The following HLTF variants were observed in gnomAD, a reference collection of about 807,000 sequenced individuals.
HLTF encodes the protein DNA-dependent ATPase/E3 ubiquitin-protein ligase HLTF.
HLTF carries 127 observed loss-of-function variants against 129.4 expected under a neutral mutation model. The ratio of observed to expected loss-of-function variants is 0.98; its 90% CI spans 0.85 to 1.14. The LOEUF (loss-of-function observed/expected upper bound fraction) is 1.14. Ranked by LOEUF, HLTF falls within the 50% of genes most tolerant of loss-of-function variation. HLTF has a pLI of 0.00. For missense variants in HLTF, 1,139 were observed against 1,187.1 expected (o/e 0.96, Z 0.60); for synonymous variants, 332 against 388.8 (o/e 0.85, Z 1.72).
intron 7 of HLTF, among the ~76,000 whole-genome samples, chr3:149,070,253 G>GT (rs1446224089): frequency 2.0e-5 from 3 of 152,046 alleles, no homozygotes; most frequent in African/African-American, 4.8e-5. Context: ...ACATACCGTC[G>GT]TAAGGACAAA....
chr3:149,050,120 T>C, intron 15 of HLTF, 112 bp downstream of exon 15: 1 of 538,948 alleles, frequency 1.9e-6, no homozygotes, highest in Non-Finnish European at 3.1e-6. Flanking sequence ...TCGTTAAGTA[T>C]CTAAAGAGAA....
chr3:149,077,247 AAAAT>A (rs201554369), intron 2 of HLTF, among the ~76,000 whole-genome samples: 17,079 of 143,882 alleles, frequency 0.12, 1,906 homozygotes, highest in African/African-American at 0.3. Flanking sequence ...ACTTCATCTC[AAAAT>A]AAATAAATAA....
chr3:149,043,164 T>C (rs566021324), intron 18 of HLTF, among the ~76,000 whole-genome samples: 3 of 146,462 alleles, frequency 2.0e-5, no homozygotes, highest in East Asian at 2.0e-4. Flanking sequence ...CAGGAAGAGA[T>C]GAAAGATGAG....
chr3:149,038,224 A>C (rs966445056), intron 23 of HLTF, among the ~76,000 whole-genome samples: 1 of 152,188 alleles, frequency 6.6e-6, no homozygotes. Context: ...CCGTGATGGT[A>C]ATCATTTTGT....
rs565697418 is a variant in HLTF, at chr3:149,060,621, T to G, written c.1285+22A>C. On this transcript the variant is annotated intron_variant, in intron 12 of 24. Coordinates refer to ENST00000310053, the MANE Select transcript of HLTF (RefSeq NM_003071.4). ...TTTAATAATCTTGAAGTCTAGATTA[T>G]GGGTATATAGTATACACATACCTTT... 3 of 1,553,932 alleles carry G rather than the reference T, an allele frequency of 1.9e-6. No homozygotes were observed. In the East Asian group the frequency reaches 6.7e-5, roughly 35 times the overall value.
At chr3:149,067,831 G>A (rs1718526339) in intron 8 of HLTF, among the ~76,000 whole-genome samples, 1 of 152,100 alleles carries the variant, frequency 6.6e-6, no homozygotes, top group Non-Finnish European at 1.5e-5. Context: ...TAAGACTCCT[G>A]ATACAAATTA....
Position 149,084,895 on chromosome 3 carries a change from T to A in HLTF, c.21-6A>T. 6.2e-7 allele frequency: 1 copy of A among 1,606,260 alleles called. No homozygotes were observed. The highest frequency in any genetic ancestry group is 8.5e-7 in the Non-Finnish European group (1 of 1,174,872). ...AGTACTTCCAAACTGGATCCCTATT[T>A]TTTTTTAAAGGCAAAGAAAAACAAT... On this transcript the variant is annotated splice_polypyrimidine_tract_variant and splice_region_variant and intron_variant, in intron 1 of 24. Transcript: ENST00000310053.
intron 16 of HLTF, 64 bp from the exon 17 acceptor site, chr3:149,048,227 G>A: frequency 5.2e-6 from 7 of 1,354,196 alleles, no homozygotes; most frequent in Non-Finnish European, 7.0e-6. Flanking sequence ...TATCTATTTG[G>A]CCCAATCAGA....
chr3:149,038,058 T>C (rs1261061311), intron 23 of HLTF, among the ~76,000 whole-genome samples: 1 of 152,242 alleles, frequency 6.6e-6, no homozygotes, highest in African/African-American at 2.4e-5. Flanking sequence ...TCTCAAATTG[T>C]GATCCTAGAC....
chr3:149,076,992 C>A (rs542750324), intron 2 of HLTF, among the ~76,000 whole-genome samples: 1 of 152,042 alleles, frequency 6.6e-6, no homozygotes, highest in African/African-American at 2.4e-5. Context: ...CAGTAGCTCA[C>A]GCCCCCAGCA....
chr3:149,038,063 C>T (rs1715805752), intron 23 of HLTF, among the ~76,000 whole-genome samples: 1 of 152,156 alleles, frequency 6.6e-6, no homozygotes, highest in South Asian at 2.1e-4. Flanking sequence ...AATTGTGATC[C>T]TAGACCACCT....
chr3:149,056,900 G>C (rs1717485712), intron 13 of HLTF, among the ~76,000 whole-genome samples: 1 of 151,670 alleles, frequency 6.6e-6, no homozygotes, highest in Non-Finnish European at 1.5e-5. Flanking sequence ...ACGAGGTCAG[G>C]AGCTCGAGAC....
At chr3:149,040,828 C>T (rs1052967251) in intron 20 of HLTF, among the ~76,000 whole-genome samples, 1 of 152,124 alleles carries the variant, frequency 6.6e-6, no homozygotes. Flanking sequence ...ATGTTTACCT[C>T]ATAATTGACT....
chr3:149,060,149 C>A (rs1448325657), intron 12 of HLTF, among the ~76,000 whole-genome samples: 1 of 152,036 alleles, frequency 6.6e-6, no homozygotes, highest in Admixed American at 6.6e-5. Context: ...ATTTTCAGAT[C>A]AGTCAAGATG....
In HLTF at chr3:149,084,810, A is replaced by T; in HGVS notation, c.100T>A (p.Phe34Ile). Residue 34 changes from phenylalanine (F) to isoleucine (I), a missense_variant, in exon 2 of 25, where the codon TTT becomes ATT. Transcript: ENST00000310053. ...NFPRLSYPTF[F>I]PRFEFQDVIP... ...ACATCTTGGAATTCAAAACGTGGAA[A>T]GAAAGTTGGATATGAGAGGCGTGGA... 1 of 1,614,152 alleles carries T rather than the reference A, an allele frequency of 6.2e-7. No individual in the cohort carries two copies. The highest frequency in any genetic ancestry group is 2.2e-5 in the East Asian group (1 of 44,866).
rs1319551219 is a variant in HLTF at position 149,048,984 on chromosome 3, T to C, written c.1635A>G (p.Pro545=). The part of the protein sequence containing the change: ...THDYGTKGDS[P]LHSIRWLRVI... The stretch of plus-strand genomic sequence containing the variant: ...CTCTTAGCCACCTTATGCTATGTAA[T>C]GGACTATCTCCTTTAGTCTGAAATA... The change falls in exon 16 of 25, where the codon CCA becomes CCG. Residue 545 remains proline, a synonymous_variant. Transcript: ENST00000310053. 1.9e-6 allele frequency: 3 copies of C among 1,604,940 alleles called. No homozygotes were observed. Among genetic ancestry groups the C allele is most frequent in the South Asian group, 2.2e-5 (2 of 90,802 alleles).
chr3:149,038,387 T>G (rs759719125), intron 23 of HLTF, among the ~76,000 whole-genome samples: 33 of 152,244 alleles, frequency 2.2e-4, no homozygotes, highest in Non-Finnish European at 4.1e-4. Context: ...ATAATAGTAC[T>G]TAAATATTTA....
chr3:149,077,224 G>T (rs1559882556), intron 2 of HLTF, among the ~76,000 whole-genome samples: 1 of 151,398 alleles, frequency 6.6e-6, no homozygotes, highest in African/African-American at 2.4e-5. Flanking sequence ...CTCCAGCCTG[G>T]TGACAGAGCG....
intron 14 of HLTF, among the ~76,000 whole-genome samples, chr3:149,052,801 C>T (rs1717104108): frequency 6.6e-6 from 1 of 152,148 alleles, no homozygotes; most frequent in Non-Finnish European, 1.5e-5. Context: ...AAAACTGAAT[C>T]AATGGGTGGC....
Sources: allele counts gnomAD v4.1 joint callset (sites outside exome capture counted in the v4.1 genomes callset), GRCh38; gene constraint gnomAD v4.1.1; transcripts MANE v1.5; gene names NCBI Gene and HGNC (gene_info 2026-07-23, HGNC 2026-07-21).